NEDD9: variants seen among roughly 807,000 people sequenced by gnomAD.
NEDD9 encodes the protein enhancer of filamentation 1.
In NEDD9, 26 loss-of-function variants were observed where a neutral mutation model predicts 76.6. That is an observed-to-expected ratio of 0.34 (90% CI 0.25 to 0.47). The LOEUF is 0.47. NEDD9 is among the 20% of genes least tolerant of loss of function. The probability of loss-of-function intolerance (pLI) is 1.00; values close to 1 mark genes in which losing one functional copy is unlikely to be tolerated. For missense variants in NEDD9, 937 were observed against 1,058.5 expected (o/e 0.89, Z 1.59); for synonymous variants, 392 against 414.2 (o/e 0.95, Z 0.65).
At position 11,205,039 on chromosome 6, in the gene NEDD9, G is replaced by A. The variant is rs575632876; in HGVS notation, c.459+8242C>T. Among the ~76,000 whole-genome samples the A allele has an allele frequency of 7.9e-5, 12 of 152,304 alleles. No homozygotes were observed. The South Asian group carries it at 2.5e-3, about 32-fold the overall frequency. ...ATTTAGCGCCCAAATTGCTAATGAG[G>A]TGTCCAAATATGCCTTCTTCTTTAA... is the stretch of plus-strand genomic sequence containing the variant. On this transcript the variant is annotated intron_variant, in intron 2 of 6. Coordinates refer to ENST00000379446, the MANE Select transcript of NEDD9 (RefSeq NM_006403.4).
At chr6:11,358,896 T>C (rs1056305676) in intron 1 of NEDD9, among the ~76,000 whole-genome samples, 10 of 152,096 alleles carry the variant, frequency 6.6e-5, no homozygotes, top group African/African-American at 9.7e-5. Flanking sequence ...GCAGCAAGAA[T>C]GAGAAAGGTA....
At chr6:11,294,701 C>A (rs992715768) in intron 3 of NEDD9, among the ~76,000 whole-genome samples, 7 of 152,152 alleles carry the variant, frequency 4.6e-5, no homozygotes, top group African/African-American at 1.4e-4. Context: ...CGTGGGTTCC[C>A]TTTTCCCATA....
intron 3 of NEDD9, among the ~76,000 whole-genome samples, chr6:11,296,772 A>G (rs929187162): frequency 1.4e-4 from 21 of 145,788 alleles, no homozygotes; most frequent in Non-Finnish European, 3.1e-4. Flanking sequence ...TCTATCACCC[A>G]TGCTGGAGTG....
rs1581960224 is a variant in NEDD9, at chr6:11,213,191, GTTA to G, written c.459+87_459+89del. On this transcript the variant is annotated intron_variant, in intron 2 of 6. Coordinates refer to ENST00000379446, the MANE Select transcript of NEDD9 (RefSeq NM_006403.4). This position sits in a 1 kb window ranked among gnomAD's most constrained non-coding sequence, Gnocchi z 5.4. ...TATATCTACTTCTTGGCAGCTTCAA[GTTA>G]TTAATTTGGGAACATTTCCAAATGC... 2 of 1,227,326 alleles carry G rather than the reference GTTA, an allele frequency of 1.6e-6. No individual in the cohort carries two copies. The highest frequency in any genetic ancestry group is 3.0e-5 in the African/African-American group (2 of 65,868). The allele number at this position is 1,227,326 out of a possible 1,614,324, so 76.0% of individuals were successfully genotyped here. A position where few individuals can be genotyped will look rare whatever the true frequency, so the allele number is the denominator to read the frequency against.
At chr6:11,290,299 C>A (rs376103866) in intron 3 of NEDD9, among the ~76,000 whole-genome samples, 7 of 152,304 alleles carry the variant, frequency 4.6e-5, no homozygotes, top group African/African-American at 1.7e-4. Context: ...ACCATCCAGA[C>A]CTTCATTCCC....
chr6:11,272,708 G>C (rs1465350650), intron 3 of NEDD9, among the ~76,000 whole-genome samples: 1 of 152,152 alleles, frequency 6.6e-6, no homozygotes, highest in African/African-American at 2.4e-5. Context: ...TGGAGGTGTG[G>C]GATGAGAATG....
At chr6:11,194,086 C>T (rs896714451) in intron 2 of NEDD9, among the ~76,000 whole-genome samples, 5 of 152,070 alleles carry the variant, frequency 3.3e-5, no homozygotes, top group African/African-American at 1.2e-4. Context: ...AAACTCCTGA[C>T]CTCAGGTGAT....
chr6:11,337,963 A>G (rs991837926), intron 1 of NEDD9, among the ~76,000 whole-genome samples: 2 of 152,198 alleles, frequency 1.3e-5, no homozygotes, highest in Non-Finnish European at 2.9e-5. Context: ...TCTGTGCTTC[A>G]TAGACACATA....
chr6:11,203,740 G>T (rs1243280189), intron 2 of NEDD9, among the ~76,000 whole-genome samples: 3 of 152,052 alleles, frequency 2.0e-5, no homozygotes, highest in African/African-American at 7.2e-5. Flanking sequence ...AAGTTTTTTT[G>T]GGTACAGGAC....
intron 1 of NEDD9, among the ~76,000 whole-genome samples, chr6:11,367,818 T>C (rs1307503985): frequency 6.6e-5 from 10 of 152,212 alleles, no homozygotes; most frequent in Non-Finnish European, 1.5e-4. Context: ...CTAGTGACTG[T>C]AATTGCTTAA....
upstream of NEDD9, among the ~76,000 whole-genome samples, chr6:11,236,914 C>T (rs532993518): frequency 4.6e-5 from 7 of 152,258 alleles, no homozygotes; most frequent in Admixed American, 3.3e-4. The surrounding 1 kb of genome is among the most constrained non-coding windows in gnomAD (Gnocchi z 5.5). Context: ...CCTCTACCGC[C>T]GACCCCCATC....
intron 1 of NEDD9, among the ~76,000 whole-genome samples, chr6:11,338,599 G>A (rs1263742425): frequency 1.3e-5 from 2 of 152,074 alleles, no homozygotes; most frequent in African/African-American, 4.8e-5. Flanking sequence ...TTTGCAAATG[G>A]GAAAGGAATG....
At chr6:11,300,603 C>A (rs762615889) in intron 3 of NEDD9, among the ~76,000 whole-genome samples, 3 of 152,116 alleles carry the variant, frequency 2.0e-5, no homozygotes, top group Non-Finnish European at 2.9e-5. Flanking sequence ...ATGTTAAGGG[C>A]AGCCAGAGAG....
At chr6:11,234,219 G>A (rs961862406), upstream of NEDD9, among the ~76,000 whole-genome samples, 3 of 152,182 alleles carry the variant, frequency 2.0e-5, no homozygotes, top group Admixed American at 6.5e-5. Flanking sequence ...TAAGCACGCA[G>A]CATATTGCAT....
chr6:11,380,262 A>G (rs1763038744), intron 1 of NEDD9, among the ~76,000 whole-genome samples: 1 of 152,240 alleles, frequency 6.6e-6, no homozygotes. Context: ...TTCCCCCAGA[A>G]GTAGACCCCA....
chr6:11,310,871 T>C (rs536185378), intron 2 of NEDD9, among the ~76,000 whole-genome samples: 42 of 152,124 alleles, frequency 2.8e-4, no homozygotes, highest in Non-Finnish European at 5.1e-4. Flanking sequence ...TCAACTTCCC[T>C]CCTCCACATC....
chr6:11,367,848 C>T (rs185905831), intron 1 of NEDD9, among the ~76,000 whole-genome samples: 23 of 152,302 alleles, frequency 1.5e-4, no homozygotes, highest in African/African-American at 4.3e-4. Flanking sequence ...CTAGCCATTT[C>T]GGCACCTTCT....
intron 2 of NEDD9, among the ~76,000 whole-genome samples, chr6:11,331,179 G>C (rs941026136): frequency 1.3e-5 from 2 of 152,238 alleles, no homozygotes; most frequent in Non-Finnish European, 1.5e-5. Flanking sequence ...ATGGGGAACA[G>C]TGGAGACTGA....
chr6:11,198,032 G>A lies in NEDD9; in HGVS notation c.460-4340C>T, dbSNP rs114170620. ...AAGGGTCCTATACTCAGATGCTCAC[G>A]GACCGAGCAAGCAGGGTGTAGGGAA... On this transcript the variant is annotated intron_variant, in intron 2 of 6. Transcript: ENST00000379446. The surrounding 1 kb of genome is among the most constrained non-coding windows in gnomAD (Gnocchi z 4.7). Among the ~76,000 whole-genome samples, 309 of 152,206 alleles carry A rather than the reference G, an allele frequency of 2.0e-3. 4 individuals are homozygous for A. The highest frequency in any genetic ancestry group is 6.8e-3 in the African/African-American group (283 of 41,536).
Sources: gnomAD v4.1 joint callset for allele counts (sites outside exome capture counted in the v4.1 genomes callset) on GRCh38, gnomAD v4.1.1 for gene constraint, Gnocchi (gnomAD v3.1) non-coding constraint, MANE v1.5 for transcripts, NCBI Gene and HGNC (gene_info 2026-07-23, HGNC 2026-07-21) for gene names.